The following ATP2B1 variants were observed in gnomAD, a reference collection of about 807,000 sequenced individuals.
ATP2B1 encodes the protein ATPase plasma membrane Ca2+ transporting 1.
ATP2B1 carries 14 observed loss-of-function variants against 124.2 expected under a neutral mutation model. That is an observed-to-expected ratio of 0.11 (90% CI 0.07 to 0.18). ATP2B1 has a LOEUF of 0.18. Ranked by LOEUF, ATP2B1 falls within the 10% of genes least tolerant of loss-of-function variation. The pLI is 1.00. For synonymous variants in ATP2B1, 449 were observed against 492.4 expected (o/e 0.91, Z 1.17); for missense variants, 763 against 1,466.1 (o/e 0.52, Z 7.83).
chr12:89,594,949 G>A (rs1874298996), intron 20 of ATP2B1: 1 of 151,894 alleles, frequency 6.6e-6, no homozygotes, highest in Non-Finnish European at 1.5e-5. Context: ...AATTGCAATG[G>A]TACAGTAAAA....
At position 89,596,058 on chromosome 12, in the gene ATP2B1, T is replaced by C. The variant is rs2135883553; in HGVS notation, c.3351+3059A>G. Among the ~76,000 whole-genome samples the C allele has an allele frequency of 2.0e-5, 3 of 152,218 alleles. No individual in the cohort carries two copies. The South Asian group carries it at 6.2e-4, about 32-fold the overall frequency. On this transcript the variant is annotated intron_variant, in intron 20 of 20. Coordinates refer to ENST00000428670, the MANE Select transcript of ATP2B1 (RefSeq NM_001366521.1). ...CTGGGTGCAGAGGTGTGTGCATATA[T>C]GTGTCTGCCTGCCTGTCTTAAAAGT...
rs1312958788 is a variant in ATP2B1 at position 89,589,591 on chromosome 12, A to T, written c.*1393T>A. 2 of 152,122 alleles carry T rather than the reference A, an allele frequency of 1.3e-5. No individual in the cohort carries two copies. The highest frequency in any genetic ancestry group is 2.9e-5 in the Non-Finnish European group (2 of 67,994). 9.4% of individuals were successfully genotyped at this position (152,122 alleles called of 1,614,324 possible). A position where few individuals can be genotyped will look rare whatever the true frequency, so the allele number is the denominator to read the frequency against. On this transcript the variant is annotated 3_prime_UTR_variant, in exon 21 of 21. Coordinates refer to ENST00000428670, the MANE Select transcript of ATP2B1 (RefSeq NM_001366521.1). The stretch of plus-strand genomic sequence containing the variant: ...TGTGAGACTATTTTAGACAAACTAA[A>T]TTCAATGAAGAGTATGTCAAATGGT...
intron 2 of ATP2B1, among the ~76,000 whole-genome samples, chr12:89,652,989 A>G (rs1319646341): frequency 1.3e-5 from 2 of 152,158 alleles, no homozygotes; most frequent in African/African-American, 4.8e-5. Context: ...TTGGCCTTTC[A>G]AAGTGTTGGG....
chr12:89,642,033 C>A, intron 3 of ATP2B1, 125 bp downstream of exon 3: 3 of 944,782 alleles, frequency 3.2e-6, no homozygotes, highest in Middle Eastern at 2.8e-4. Context: ...ATTTAAGGTA[C>A]TTAGAACAGT....
At chr12:89,593,686 GCACA>G (rs1446872531) in intron 20 of ATP2B1, 1 of 151,980 alleles carries the variant, frequency 6.6e-6, no homozygotes, top group Admixed American at 6.6e-5. Context: ...AAGTATATGT[GCACA>G]CACAATCACA....
chr12:89,614,555 A>G (rs903109504), intron 12 of ATP2B1, among the ~76,000 whole-genome samples: 1 of 152,144 alleles, frequency 6.6e-6, no homozygotes, highest in Non-Finnish European at 1.5e-5. Context: ...CTGGTTCTCT[A>G]ACTTGTACAG....
At chr12:89,698,991 A>C (rs1414238505) in intron 1 of ATP2B1, among the ~76,000 whole-genome samples, 1 of 152,150 alleles carries the variant, frequency 6.6e-6, no homozygotes, top group African/African-American at 2.4e-5. Flanking sequence ...ATGAAGGAAA[A>C]GAGATCACAG....
Position 89,642,234 on chromosome 12 carries a change from A to G in ATP2B1, c.330T>C (p.Thr110=), listed in dbSNP as rs760766209. ...QLVWEALQDV[T]LIILEIAAIV... is the part of the protein sequence containing the mutation. ...TGGCTGCAATTTCTAATATAATTAA[A>G]GTGACATCTTGTAATGCTTCCCATA... is the stretch of plus-strand genomic sequence containing the variant. The change falls in exon 3 of 21, where the codon ACT becomes ACC. Residue 110 remains threonine, a synonymous_variant. Coordinates refer to ENST00000428670, the MANE Select transcript of ATP2B1 (RefSeq NM_001366521.1). 9 of 1,613,710 alleles carry G rather than the reference A, an allele frequency of 5.6e-6. No individual in the cohort carries two copies. Among genetic ancestry groups the G allele is most frequent in the African/African-American group, 4.0e-5 (3 of 74,918 alleles).
At chr12:89,650,194 G>A (rs1214505254) in intron 2 of ATP2B1, among the ~76,000 whole-genome samples, 1 of 152,182 alleles carries the variant, frequency 6.6e-6, no homozygotes, top group Admixed American at 6.5e-5. Context: ...TTTTCTAAGT[G>A]AGGGACACCG....
At chr12:89,621,171 G>A (rs1483997184) in intron 10 of ATP2B1, among the ~76,000 whole-genome samples, 1 of 152,100 alleles carries the variant, frequency 6.6e-6, no homozygotes, top group Non-Finnish European at 1.5e-5. Flanking sequence ...TATAAAACAT[G>A]TTATTTTAAG....
rs1298046318 is a variant in ATP2B1, at chr12:89,610,063, T to C, written c.2336-20A>G. ...TTATACCTTAAATACAAGCAAATAT[T>C]TGTGTTATAAAAACATTACTCTTTA... On this transcript the variant is annotated intron_variant, in intron 14 of 20. Coordinates refer to ENST00000428670, the MANE Select transcript of ATP2B1 (RefSeq NM_001366521.1). The C allele has an allele frequency of 3.1e-6, 5 of 1,594,466 alleles. No individual in the cohort carries two copies. The highest frequency in any genetic ancestry group is 4.3e-6 in the Non-Finnish European group (5 of 1,164,072).
At chr12:89,600,870 A>G (rs1390801257) in intron 19 of ATP2B1, among the ~76,000 whole-genome samples, 4 of 152,028 alleles carry the variant, frequency 2.6e-5, no homozygotes, top group Non-Finnish European at 5.9e-5. Flanking sequence ...GCTGGTCTCT[A>G]ACTCCTTACC....
rs1873284131 is a variant in ATP2B1 at position 89,590,088 on chromosome 12, T to C, written c.*896A>G. 3 of 152,566 alleles carry C rather than the reference T, an allele frequency of 2.0e-5. No individual in the cohort carries two copies. In the South Asian group the frequency reaches 6.2e-4, roughly 32 times the overall value. 9.5% of individuals were successfully genotyped at this position (152,566 alleles called of 1,614,324 possible). A position where few individuals can be genotyped will look rare whatever the true frequency, so the allele number is the denominator to read the frequency against. On this transcript the variant is annotated 3_prime_UTR_variant, in exon 21 of 21. Coordinates refer to ENST00000428670, the MANE Select transcript of ATP2B1 (RefSeq NM_001366521.1). ...TGAAATAACAAAAGCATTTCAAGCA[T>C]CTTTCATTATGTAGTTGATGTCCTG... is the stretch of plus-strand genomic sequence containing the variant.
At chr12:89,601,739 A>T (rs191388804) in intron 18 of ATP2B1, among the ~76,000 whole-genome samples, 1 of 152,362 alleles carries the variant, frequency 6.6e-6, no homozygotes, top group African/African-American at 2.4e-5. Flanking sequence ...CTTATGACCA[A>T]GAATAATAAT....
chr12:89,635,302 AACAT>A (rs1882515527), intron 3 of ATP2B1, 51 bp from the exon 4 acceptor site: 1 of 1,570,520 alleles, frequency 6.4e-7, no homozygotes, highest in Non-Finnish European at 8.6e-7. Context: ...AATTGATGAC[AACAT>A]ACATATAGTA....
intron 2 of ATP2B1, among the ~76,000 whole-genome samples, chr12:89,647,078 G>T (rs1057510556): frequency 2.0e-5 from 3 of 152,196 alleles, no homozygotes. Context: ...AACTGGCAAA[G>T]AAATTACTGG....
At chr12:89,631,487 A>G (rs1301240529) in intron 5 of ATP2B1, among the ~76,000 whole-genome samples, 2 of 152,170 alleles carry the variant, frequency 1.3e-5, no homozygotes, top group African/African-American at 2.4e-5. Flanking sequence ...TGTAACTGCA[A>G]TAGCCCCCTA....
At chr12:89,626,758 T>C in intron 7 of ATP2B1, 143 bp from the exon 8 acceptor site, 3 of 876,232 alleles carry the variant, frequency 3.4e-6, no homozygotes, top group Non-Finnish European at 4.8e-6. Context: ...TGTGTGTGTC[T>C]ACACAGAGAA....
At position 89,600,632 on chromosome 12, in the gene ATP2B1, A is replaced by G. The variant is rs1592708701; in HGVS notation, c.3168+694T>C. 2.0e-5 allele frequency among the ~76,000 whole-genome samples: 3 copies of G among 151,914 alleles called. No homozygotes were observed. In the South Asian group the frequency reaches 6.2e-4, roughly 31 times the overall value. ...TGCTGCATATTGGATTAAATTACAGAACAAAATGACAATGTATTTTTTTTT... is the reference window on the plus strand; with the variant it reads ...TGCTGCATATTGGATTAAATTACAGGACAAAATGACAATGTATTTTTTTTT... On this transcript the variant is annotated intron_variant, in intron 19 of 20. Coordinates refer to ENST00000428670, the MANE Select transcript of ATP2B1 (RefSeq NM_001366521.1).
Sources: allele counts gnomAD v4.1 joint callset (sites outside exome capture counted in the v4.1 genomes callset), GRCh38; gene constraint gnomAD v4.1.1; transcripts MANE v1.5; gene names NCBI Gene and HGNC (gene_info 2026-07-23, HGNC 2026-07-21).